The following ATP1A3 variants were observed in gnomAD, a reference collection of about 807,000 sequenced individuals.
The protein encoded by ATP1A3 is ATPase Na+/K+ transporting subunit alpha 3.
ATP1A3 carries 12 observed loss-of-function variants against 108.8 expected under a neutral mutation model. The ratio of observed to expected loss-of-function variants is 0.11; its 90% CI spans 0.07 to 0.18. ATP1A3 has a LOEUF of 0.18. ATP1A3 is among the 10% of genes least tolerant of loss of function. The pLI, the probability that ATP1A3 is intolerant of heterozygous loss-of-function variation, is 1.00. For synonymous variants in ATP1A3, 539 were observed against 564.5 expected, an observed-to-expected ratio of 0.95 and a Z score of 0.64; for missense variants, 498 against 1,387.7, an observed-to-expected ratio of 0.36 and a Z score of 10.19.
intron 1 of ATP1A3, among the ~76,000 whole-genome samples, chr19:41,990,092 G>A (rs940909336): frequency 1.3e-5 from 2 of 151,754 alleles, no homozygotes; most frequent in African/African-American, 2.4e-5. Context: ...TCCGTCTTTC[G>A]GTCTGTCTCT....
chr19:41,988,169 T>C lies in ATP1A3; in HGVS notation c.154-30A>G. On this transcript the variant is annotated intron_variant, in intron 3 of 22. Coordinates refer to ENST00000648268, the MANE Select transcript of ATP1A3 (RefSeq NM_152296.5). The surrounding 1 kb of genome is among the most constrained non-coding windows in gnomAD (Gnocchi z 5.3). ...GGGACAGAGGACTCACACAGAACCC[T>C]CCCTGGGCAACCCTGGCACCCCAGG... The C allele has an allele frequency of 1.9e-6, 3 of 1,613,934 alleles. No individual in the cohort carries two copies. Among genetic ancestry groups the C allele is most frequent in the Non-Finnish European group, 2.5e-6 (3 of 1,179,938 alleles).
chr19:41,974,231 A>G (rs1462807445), intron 16 of ATP1A3, among the ~76,000 whole-genome samples: 1 of 150,874 alleles, frequency 6.6e-6, no homozygotes, highest in Admixed American at 6.6e-5. Context: ...ACTCTGTCTC[A>G]AAAAAAAAGA....
At chr19:41,970,924 GC>G (rs1250359763) in intron 16 of ATP1A3, among the ~76,000 whole-genome samples, 5 of 148,892 alleles carry the variant, frequency 3.4e-5, no homozygotes, top group Non-Finnish European at 5.9e-5. Context: ...GAGCCACCGC[GC>G]CCGGCCTGTC....
In ATP1A3 at chr19:41,976,213, C is replaced by T. The variant is rs1473657582; in HGVS notation, c.2094+203G>A. ...TCCCTCATACCCAGAAGTCCAGGCCCCCTCCCTCAGACCCAAGGGTCCAGG... is the reference window on the plus strand; with the variant it reads ...TCCCTCATACCCAGAAGTCCAGGCCTCCTCCCTCAGACCCAAGGGTCCAGG... On this transcript the variant is annotated intron_variant, in intron 15 of 22. Transcript: ENST00000648268. 9.0e-5 allele frequency among the ~76,000 whole-genome samples: 13 copies of T among 144,816 alleles called. No individual in the cohort carries two copies. In the Admixed American group the frequency reaches 9.0e-4, roughly 10 times the overall value.
intron 11 of ATP1A3, among the ~76,000 whole-genome samples, chr19:41,980,635 G>A (rs1685174594): frequency 6.6e-6 from 1 of 151,952 alleles, no homozygotes; most frequent in South Asian, 2.1e-4. Context: ...ACTGAGGCCG[G>A]GCGCGGTGGC....
At chr19:41,991,719 G>T (rs1660647954) in intron 1 of ATP1A3, among the ~76,000 whole-genome samples, 1 of 152,106 alleles carries the variant, frequency 6.6e-6, no homozygotes, top group South Asian at 2.1e-4. Flanking sequence ...CTCAGATACT[G>T]AGAGAGGCTG....
chr19:41,994,015 T>C (rs2075364545), intron 1 of ATP1A3, 56 bp downstream of exon 1: 2 of 1,606,290 alleles, frequency 1.2e-6, no homozygotes, highest in Non-Finnish European at 1.7e-6. Flanking sequence ...GCACACCCAA[T>C]GTCACCGGCC....
At chr19:41,976,165 G>A (rs1311610499) in intron 15 of ATP1A3, among the ~76,000 whole-genome samples, 3 of 113,442 alleles carry the variant, frequency 2.6e-5, no homozygotes, top group African/African-American at 1.1e-4. Flanking sequence ...TCAGACCCAG[G>A]AGTTCAGGCC....
In ATP1A3 at chr19:41,988,366, C is replaced by A. The variant is rs1555866213; in HGVS notation, c.105G>T (p.Lys35Asn). Residue 35 changes from lysine (K) to asparagine (N), a missense_variant, in exon 3 of 23, where the codon AAG becomes AAT. Lys to Asn is a moderately conservative substitution (Grantham distance 94). This residue lies in a region of ATP1A3 where 41 missense variants were observed against 59.7 expected (regional missense o/e 0.69). Coordinates refer to ENST00000648268, the MANE Select transcript of ATP1A3 (RefSeq NM_152296.5). The surrounding 1 kb of genome is among the most constrained non-coding windows in gnomAD (Gnocchi z 5.3). ...LKKEVAMTEH[K>N]MSVEEVCRKY... ...TCCGGCAGACCTCTTCCACTGACAT[C>A]TTGTGCTCTGTCTGAGGAACAGGAG... 1 of 1,614,086 alleles carries A rather than the reference C, an allele frequency of 6.2e-7. No homozygotes were observed. The highest frequency in any genetic ancestry group is 8.5e-7 in the Non-Finnish European group (1 of 1,180,052).
At chr19:41,971,202 C>T (rs2075105277) in intron 16 of ATP1A3, among the ~76,000 whole-genome samples, 1 of 152,022 alleles carries the variant, frequency 6.6e-6, no homozygotes, top group African/African-American at 2.4e-5. Flanking sequence ...GCTGTGATTC[C>T]ATCTCAGCCT....
In ATP1A3 at chr19:41,988,157, C is replaced by A. The variant is rs1555866105; in HGVS notation, c.154-18G>T. The A allele has an allele frequency of 6.2e-7, 1 of 1,614,150 alleles. No individual in the cohort carries two copies. The highest frequency in any genetic ancestry group is 8.5e-7 in the Non-Finnish European group (1 of 1,180,008). On this transcript the variant is annotated intron_variant, in intron 3 of 22. Coordinates refer to ENST00000648268, the MANE Select transcript of ATP1A3 (RefSeq NM_152296.5). This position sits in a 1 kb window ranked among gnomAD's most constrained non-coding sequence, Gnocchi z 5.3. ...GTCAAACCCTGAGGGACAGAGGACT[C>A]ACACAGAACCCTCCCTGGGCAACCC...
chr19:41,983,064 A>C (rs1164921050), intron 8 of ATP1A3, among the ~76,000 whole-genome samples: 2 of 152,150 alleles, frequency 1.3e-5, no homozygotes, highest in Non-Finnish European at 2.9e-5. Context: ...CAACATTGCT[A>C]ATATGGAAAA....
At chr19:41,982,223 A>T (rs905077772) in intron 8 of ATP1A3, 117 bp from the exon 9 acceptor site, 24 of 1,562,304 alleles carry the variant, frequency 1.5e-5, no homozygotes, top group African/African-American at 2.7e-5. Context: ...GAGGGCCTGG[A>T]AAAGAATGAG....
intron 16 of ATP1A3, among the ~76,000 whole-genome samples, chr19:41,974,223 T>G (rs2075142347): frequency 6.6e-6 from 1 of 151,752 alleles, no homozygotes; most frequent in Non-Finnish European, 1.5e-5. Flanking sequence ...AGAGCAAGAC[T>G]CTGTCTCAAA....
chr19:41,990,360 C>T (rs7507660), intron 1 of ATP1A3, among the ~76,000 whole-genome samples: 1 of 145,070 alleles, frequency 6.9e-6, no homozygotes, highest in East Asian at 2.1e-4. Flanking sequence ...TCTCTCTCTC[C>T]CTCTCTCTGT....
In ATP1A3 at chr19:41,981,835, G is replaced by C. The variant is rs200111818; in HGVS notation, c.1193-4C>G. On this transcript the variant is annotated splice_polypyrimidine_tract_variant and splice_region_variant and intron_variant, in intron 9 of 22. Transcript: ENST00000648268. This position sits in a 1 kb window ranked among gnomAD's most constrained non-coding sequence, Gnocchi z 5.0. ...GAACTCTTGTCAAATGAGGTCCCTG[G>C]GGGAGGCATGTGTGAGGGCCAGGGA... The C allele has an allele frequency of 2.2e-4, 361 of 1,614,112 alleles. 1 individual carries two copies. The highest frequency in any genetic ancestry group is 2.0e-3 in the Middle Eastern group (12 of 6,084).
intron 14 of ATP1A3, among the ~76,000 whole-genome samples, chr19:41,977,423 C>T (rs1395263244): frequency 2.6e-5 from 4 of 151,776 alleles, no homozygotes; most frequent in African/African-American, 4.8e-5. Context: ...CAGTGGCTCA[C>T]GCCTGTAATC....
chr19:41,983,977 G>T (rs1438711460), intron 8 of ATP1A3, among the ~76,000 whole-genome samples: 2 of 151,564 alleles, frequency 1.3e-5, no homozygotes, highest in Non-Finnish European at 2.9e-5. Context: ...GTTTTGCCAT[G>T]TTGGCCAGTC....
chr19:41,987,981 G>A lies in ATP1A3; in HGVS notation c.312C>T (p.Ala104=). The change falls in exon 4 of 23, where the codon GCC becomes GCT. Residue 104 remains alanine, a synonymous_variant. Coordinates refer to ENST00000648268, the MANE Select transcript of ATP1A3 (RefSeq NM_152296.5). Reference sequence around the variant, plus strand: ...CCTCGGTGCCCGCCTGGATACCGTAGGCCAGGAAGCAGAGGATAGCCCCGA... The same window carrying A: ...CCTCGGTGCCCGCCTGGATACCGTAAGCCAGGAAGCAGAGGATAGCCCCGA... The part of the protein sequence containing the change: ...LWIGAILCFL[A]YGIQAGTEDD... 3 of 1,614,128 alleles carry A rather than the reference G, an allele frequency of 1.9e-6. No homozygotes were observed. Among genetic ancestry groups the A allele is most frequent in the Non-Finnish European group, 2.5e-6 (3 of 1,180,026 alleles).
Sources: allele counts gnomAD v4.1 joint callset (sites outside exome capture counted in the v4.1 genomes callset), GRCh38; gene constraint gnomAD v4.1.1; regional missense constraint gnomAD v4.1.1; non-coding constraint Gnocchi (gnomAD v3.1); transcripts MANE v1.5; gene names NCBI Gene and HGNC (gene_info 2026-07-23, HGNC 2026-07-21).